The following ATAD5 variants were observed in gnomAD, a reference collection of about 807,000 sequenced individuals.
The protein encoded by ATAD5 is ATPase family AAA domain-containing protein 5.
ATAD5 carries 58 observed loss-of-function variants against 176.9 expected under a neutral mutation model. The observed-to-expected ratio is 0.33, with a 90% confidence interval of 0.27 to 0.41. The LOEUF (loss-of-function observed/expected upper bound fraction) is 0.41, where lower values mean the gene tolerates loss of function less well. ATAD5 is among the 10% of genes least tolerant of loss of function. The pLI, the probability that ATAD5 is intolerant of heterozygous loss-of-function variation, is 1.00. For synonymous variants in ATAD5, 640 were observed against 712.6 expected (o/e 0.90, Z 1.62); for missense variants, 1,789 against 2,094.1 (o/e 0.85, Z 2.84).
chr17:30,874,548 C>CAAAA (rs1298663817), intron 14 of ATAD5, among the ~76,000 whole-genome samples: 6,522 of 69,982 alleles, frequency 0.093, 437 homozygotes, highest in South Asian at 0.18. Context: ...TCAAAAGAAA[C>CAAAA]AAAAAAAAAA....
chr17:30,852,421 A>T (rs1907024515), intron 6 of ATAD5, among the ~76,000 whole-genome samples: 1 of 151,958 alleles, frequency 6.6e-6, no homozygotes. Context: ...TTCGTGGAGG[A>T]TGGTATTTAG....
intron 12 of ATAD5, among the ~76,000 whole-genome samples, chr17:30,868,775 G>T (rs1908157763): frequency 3.3e-5 from 5 of 150,856 alleles, no homozygotes; most frequent in Admixed American, 3.3e-4. Flanking sequence ...AAAGTGCTGG[G>T]ATTAAGCAGT....
At chr17:30,881,239 T>C (rs749665846) in intron 18 of ATAD5, among the ~76,000 whole-genome samples, 1 of 151,532 alleles carries the variant, frequency 6.6e-6, no homozygotes, top group African/African-American at 2.4e-5. Flanking sequence ...AGTGAGATAA[T>C]TGTGGTCAGG....
At position 30,869,532 on chromosome 17, in the gene ATAD5, A is replaced by G; in HGVS notation, c.3493A>G (p.Arg1165Gly). The G allele has an allele frequency of 1.9e-6, 3 of 1,613,048 alleles. No homozygotes were observed. Among genetic ancestry groups the G allele is most frequent in the Non-Finnish European group, 2.5e-6 (3 of 1,179,820 alleles). ...GAATGCCTCTTCCCAGCGCAGTGGT[A>G]GACAAATTCTATCTCAGTTGAAGGA... ...EVNASSQRSG[R>G]QILSQLKEAT... The change falls in exon 14 of 23, where the codon AGA becomes GGA. Residue 1165 changes from arginine (R) to glycine (G), a missense_variant. Around this residue, in one of 6 missense-constraint regions of ATAD5, gnomAD observed 194 missense variants for 270.1 expected, o/e 0.72. Coordinates refer to ENST00000321990, the MANE Select transcript of ATAD5 (RefSeq NM_024857.5).
chr17:30,845,021 T>A, intron 6 of ATAD5, 105 bp downstream of exon 6: 1 of 1,038,324 alleles, frequency 9.6e-7, no homozygotes. Flanking sequence ...TTTGAAGCTC[T>A]AGTAAGTCCA....
chr17:30,876,621 A>AT, intron 15 of ATAD5, 71 bp downstream of exon 15: 7 of 892,166 alleles, frequency 7.8e-6, no homozygotes, highest in East Asian at 3.1e-5. Flanking sequence ...ATGTGAGCAC[A>AT]TTTTACGAGT....
rs1476249619 is a variant in ATAD5 at position 30,855,060 on chromosome 17, T to TA, written c.2451-78dup. On this transcript the variant is annotated intron_variant, in intron 6 of 22. Transcript: ENST00000321990. ...AGGCATGAGCCACCATGCCCAGCCC[T>TA]AAAAATGTTTATTTTCCAGATAGTT... 8 of 1,326,300 alleles carry TA rather than the reference T, an allele frequency of 6.0e-6. No homozygotes were observed. In the African/African-American group the frequency reaches 7.4e-5, roughly 12 times the overall value. 82.2% of individuals were successfully genotyped at this position (1,326,300 alleles called of 1,614,324 possible). A position where few individuals can be genotyped will look rare whatever the true frequency, so the allele number is the denominator to read the frequency against.
At chr17:30,876,702 CTTTTTTTTT>C (rs202065630) in intron 15 of ATAD5, 152 bp downstream of exon 15, 8 of 127,762 alleles carry the variant, frequency 6.3e-5, no homozygotes, top group Admixed American at 2.0e-4. Context: ...ATTTTGTTTC[CTTTTTTTTT>C]TTTTTTTTTT....
intron 18 of ATAD5, among the ~76,000 whole-genome samples, chr17:30,880,366 T>C (rs1018532344): frequency 2.0e-5 from 3 of 152,160 alleles, no homozygotes; most frequent in African/African-American, 7.2e-5. Context: ...CCCAGCACTT[T>C]GGGAGGCCAG....
At position 30,894,619 on chromosome 17, in the gene ATAD5, C is replaced by T; in HGVS notation, c.5353C>T (p.Leu1785Phe). 6.2e-7 allele frequency: 1 copy of T among 1,613,262 alleles called. No homozygotes were observed. Among genetic ancestry groups the T allele is most frequent in the Non-Finnish European group, 8.5e-7 (1 of 1,179,518 alleles). The change falls in exon 22 of 23, where the codon CTC becomes TTC. Residue 1785 changes from leucine (L) to phenylalanine (F), a missense_variant. Coordinates refer to ENST00000321990, the MANE Select transcript of ATAD5 (RefSeq NM_024857.5). ...AAGTGTATTTTCGAGTCGATCTCTT[C>T]TCTATGTGGGTAATAGACAAGCTAG... The part of the protein sequence containing the change: ...IKSVFSSRSL[L>F]YVGNRQASII...
intron 3 of ATAD5, among the ~76,000 whole-genome samples, chr17:30,838,613 C>T (rs1006597080): frequency 6.6e-6 from 1 of 152,142 alleles, no homozygotes; most frequent in East Asian, 1.9e-4. Flanking sequence ...GCTGATTGTA[C>T]TACAGCTAAA....
At chr17:30,890,219 C>G (rs745472167) in intron 19 of ATAD5, among the ~76,000 whole-genome samples, 1 of 151,654 alleles carries the variant, frequency 6.6e-6, no homozygotes, top group Non-Finnish European at 1.5e-5. Context: ...GTAGATATGC[C>G]TATATATTCT....
intron 7 of ATAD5, among the ~76,000 whole-genome samples, chr17:30,856,267 C>CT (rs1213193455): frequency 6.6e-6 from 1 of 152,128 alleles, no homozygotes; most frequent in Non-Finnish European, 1.5e-5. Flanking sequence ...GATAACAACT[C>CT]TAAGAGGTTG....
At chr17:30,844,363 C>A (rs1161726093) in intron 5 of ATAD5, among the ~76,000 whole-genome samples, 1 of 152,040 alleles carries the variant, frequency 6.6e-6, no homozygotes, top group Non-Finnish European at 1.5e-5. Flanking sequence ...GAACTCCTGA[C>A]CTTGTGATCT....
At chr17:30,839,071 C>T (rs986346713) in intron 3 of ATAD5, among the ~76,000 whole-genome samples, 1 of 151,910 alleles carries the variant, frequency 6.6e-6, no homozygotes, top group Non-Finnish European at 1.5e-5. Context: ...AGCAATCCTC[C>T]AGCCTTGGAC....
intron 11 of ATAD5, among the ~76,000 whole-genome samples, chr17:30,867,624 T>A (rs760650637): frequency 6.6e-6 from 1 of 152,160 alleles, no homozygotes; most frequent in Non-Finnish European, 1.5e-5. Flanking sequence ...TCTTTTTTTT[T>A]ATTTTGAAAC....
chr17:30,833,804 C>T (rs1774333734), intron 1 of ATAD5, among the ~76,000 whole-genome samples: 1 of 152,126 alleles, frequency 6.6e-6, no homozygotes. Flanking sequence ...CCTCAGCCTC[C>T]GGAGTAGCTG....
Position 30,895,621 on chromosome 17 carries a change from TCTCTTAA to T in ATAD5, c.*712_*718del, listed in dbSNP as rs1419501737. The T allele has an allele frequency of 2.0e-5, 3 of 152,312 alleles. No individual in the cohort carries two copies. The East Asian group carries it at 5.8e-4, about 29-fold the overall frequency. The allele number at this position is 152,312 out of a possible 1,614,324, so 9.4% of individuals were successfully genotyped here. ...GGTTTTACCATGTTGGTTAGGCTGG[TCTCTTAA>T]CTCCTGACCTCAAGTGATCCATCTG... On this transcript the variant is annotated 3_prime_UTR_variant, in exon 23 of 23. Coordinates refer to ENST00000321990, the MANE Select transcript of ATAD5 (RefSeq NM_024857.5).
rs1465258703 is a variant in ATAD5 at position 30,844,982 on chromosome 17, A to T, written c.2450+66A>T. 7 of 1,331,086 alleles carry T rather than the reference A, an allele frequency of 5.3e-6. No homozygotes were observed. The African/African-American group carries it at 1.1e-4, about 21-fold the overall frequency. 82.5% of individuals were successfully genotyped at this position (1,331,086 alleles called of 1,614,324 possible). ...AGAATGTATTTGTATTGATGTGTTT[A>T]CTTTGATGAGAAAGCATGTGAATTA... is the stretch of plus-strand genomic sequence containing the variant. On this transcript the variant is annotated intron_variant, in intron 6 of 22. Transcript: ENST00000321990.
Sources: gnomAD v4.1 joint callset for allele counts (sites outside exome capture counted in the v4.1 genomes callset) on GRCh38, gnomAD v4.1.1 for gene constraint, gnomAD v4.1.1 regional missense constraint, MANE v1.5 for transcripts, NCBI Gene and HGNC (gene_info 2026-07-23, HGNC 2026-07-21) for gene names.